IKZF2: variants seen among roughly 807,000 people sequenced by gnomAD.
IKZF2 encodes IKAROS family zinc finger 2.
A neutral mutation model predicts 49.2 loss-of-function variants in IKZF2; 15 were observed. That is an observed-to-expected ratio of 0.30 (90% CI 0.20 to 0.47). The LOEUF is 0.47. Ranked by LOEUF, IKZF2 falls within the 20% of genes least tolerant of loss-of-function variation. The pLI, the probability that IKZF2 is intolerant of heterozygous loss-of-function variation, is 1.00. For synonymous variants in IKZF2, 227 were observed against 221.4 expected (o/e 1.03, Z -0.23); for missense variants, 567 against 664.6 (o/e 0.85, Z 1.61).
chr2:213,128,607 CA>C (rs1244192018), intron 4 of IKZF2, among the ~76,000 whole-genome samples: 1 of 148,736 alleles, frequency 6.7e-6, no homozygotes, highest in Non-Finnish European at 1.5e-5. Flanking sequence ...AGCCAAGAGT[CA>C]GAAGATAAGG....
At chr2:213,074,548 G>A (rs983873826) in intron 4 of IKZF2, among the ~76,000 whole-genome samples, 3 of 152,140 alleles carry the variant, frequency 2.0e-5, no homozygotes, top group Non-Finnish European at 2.9e-5. Context: ...ACATATTTAT[G>A]TCAAATATTA....
At chr2:213,055,896 A>G (rs562459246) in intron 5 of IKZF2, among the ~76,000 whole-genome samples, 2 of 152,306 alleles carry the variant, frequency 1.3e-5, no homozygotes, top group East Asian at 1.9e-4. Flanking sequence ...CCAAAAAAGT[A>G]TATTTTAAAA....
chr2:213,028,073 A>G (rs530760831), intron 6 of IKZF2, among the ~76,000 whole-genome samples: 130 of 152,292 alleles, frequency 8.5e-4, no homozygotes, highest in African/African-American at 3.0e-3. Flanking sequence ...TAATTTTTAT[A>G]TATGGCATAA....
chr2:213,124,852 T>C (rs1262645564), intron 4 of IKZF2, among the ~76,000 whole-genome samples: 1 of 152,254 alleles, frequency 6.6e-6, no homozygotes, highest in Non-Finnish European at 1.5e-5. Flanking sequence ...ATCAGGTCCT[T>C]ATTCCTTACA....
At chr2:213,148,781 C>T (rs749736676) in intron 2 of IKZF2, 137 bp from the exon 3 acceptor site, 2 of 631,622 alleles carry the variant, frequency 3.2e-6, no homozygotes, top group Admixed American at 2.9e-5. Context: ...ACACAGTGTA[C>T]TGTATGTGCT....
At position 213,005,561 on chromosome 2, in the gene IKZF2, C is replaced by A. The variant is rs1236557503; in HGVS notation, c.*1799G>T. 1 of 151,930 alleles carries A rather than the reference C, an allele frequency of 6.6e-6. No homozygotes were observed. The highest frequency in any genetic ancestry group is 6.6e-5 in the Admixed American group (1 of 15,208). 9.4% of individuals were successfully genotyped at this position (151,930 alleles called of 1,614,324 possible). ...TCTCTTGACTTGGTAATTCTCATAC[C>A]ACACTGTATTAAGATACATAATTTC... is the stretch of plus-strand genomic sequence containing the variant. On this transcript the variant is annotated 3_prime_UTR_variant, in exon 9 of 9. Coordinates refer to ENST00000434687, the MANE Select transcript of IKZF2 (RefSeq NM_001387220.1).
At chr2:213,097,221 T>A (rs1291970479) in intron 4 of IKZF2, among the ~76,000 whole-genome samples, 2 of 151,846 alleles carry the variant, frequency 1.3e-5, no homozygotes, top group Non-Finnish European at 2.9e-5. Context: ...CTAAAAAATA[T>A]GCAATAGTTG....
chr2:213,027,514 A>T (rs547032380), intron 6 of IKZF2, among the ~76,000 whole-genome samples: 1 of 152,180 alleles, frequency 6.6e-6, no homozygotes, highest in South Asian at 2.1e-4. Flanking sequence ...TGCCAGTCTC[A>T]CTTTCCTCTT....
At chr2:213,147,914 C>G in intron 3 of IKZF2, 102 bp from the exon 4 acceptor site, 1 of 755,144 alleles carries the variant, frequency 1.3e-6, no homozygotes, top group Non-Finnish European at 2.3e-6. Context: ...AGCCTTCAAA[C>G]TGTAAGGTAA....
intron 4 of IKZF2, among the ~76,000 whole-genome samples, chr2:213,146,028 C>T (rs930925581): frequency 3.3e-5 from 5 of 152,068 alleles, no homozygotes; most frequent in African/African-American, 1.2e-4. Flanking sequence ...AGAAATAAAG[C>T]AGCCAATTAA....
intron 4 of IKZF2, among the ~76,000 whole-genome samples, chr2:213,105,332 C>T (rs960689302): frequency 6.6e-6 from 1 of 152,040 alleles, no homozygotes; most frequent in African/African-American, 2.4e-5. Context: ...TCCAACTGTT[C>T]CCAAAAGTAC....
intron 4 of IKZF2, among the ~76,000 whole-genome samples, chr2:213,142,841 C>A (rs2060920174): frequency 6.6e-6 from 1 of 151,948 alleles, no homozygotes; most frequent in Admixed American, 6.6e-5. Flanking sequence ...ATCTAGCATA[C>A]TAAGTGCACT....
intron 4 of IKZF2, among the ~76,000 whole-genome samples, chr2:213,120,529 G>C (rs2060020794): frequency 6.6e-6 from 1 of 152,138 alleles, no homozygotes; most frequent in South Asian, 2.1e-4. Flanking sequence ...AGATAGATTG[G>C]GCTGTTTAGT....
At chr2:213,084,483 T>A (rs1243104045) in intron 4 of IKZF2, among the ~76,000 whole-genome samples, 1 of 152,134 alleles carries the variant, frequency 6.6e-6, no homozygotes, top group Non-Finnish European at 1.5e-5. Flanking sequence ...ATTTTTATTA[T>A]GGCTTTGGGG....
rs1694916403 is a variant in IKZF2, at chr2:213,001,652, A to C, written c.*5708T>G. 6.6e-6 allele frequency: 1 copy of C among 151,878 alleles called. No homozygotes were observed. The highest frequency in any genetic ancestry group is 2.1e-4 in the South Asian group (1 of 4,834). The allele number at this position is 151,878 out of a possible 1,614,324, so 9.4% of individuals were successfully genotyped here. ...TAAGATTAAATTACCAATGAACTAG[A>C]AATAAGAGTTGACCTAATCTTCAAA... On this transcript the variant is annotated 3_prime_UTR_variant, in exon 9 of 9. Transcript: ENST00000434687.
At chr2:213,008,196 C>A in intron 8 of IKZF2, 112 bp from the exon 9 acceptor site, 1 of 1,246,704 alleles carries the variant, frequency 8.0e-7, no homozygotes, top group Non-Finnish European at 1.1e-6. Flanking sequence ...CTCCATTTTT[C>A]ATAATTTGGT....
chr2:213,129,527 G>T (rs752655790), intron 4 of IKZF2, among the ~76,000 whole-genome samples: 4 of 151,884 alleles, frequency 2.6e-5, no homozygotes, highest in Non-Finnish European at 4.4e-5. Flanking sequence ...AACAGGGAAA[G>T]AATAGAGAAG....
At chr2:213,071,259 A>G (rs1702669335) in intron 4 of IKZF2, among the ~76,000 whole-genome samples, 1 of 152,162 alleles carries the variant, frequency 6.6e-6, no homozygotes, top group African/African-American at 2.4e-5. Context: ...ACAAATATTT[A>G]TTAGTAACTG....
chr2:213,002,370 A>AAAACT lies in IKZF2; in HGVS notation c.*4985_*4989dup, dbSNP rs1411716961. ...CCTCAAACTTACAGTACAGCAAGAT[A>AAAACT]AAACTAAAAAGCTAGAAATAGAATA... On this transcript the variant is annotated 3_prime_UTR_variant, in exon 9 of 9. Coordinates refer to ENST00000434687, the MANE Select transcript of IKZF2 (RefSeq NM_001387220.1). The AAAACT allele has an allele frequency of 6.6e-6, 1 of 151,602 alleles. No individual in the cohort carries two copies. Among genetic ancestry groups the AAAACT allele is most frequent in the Non-Finnish European group, 1.5e-5 (1 of 67,590 alleles). 9.4% of individuals were successfully genotyped at this position (151,602 alleles called of 1,614,324 possible).
Sources: gnomAD v4.1 joint callset for allele counts (sites outside exome capture counted in the v4.1 genomes callset) on GRCh38, gnomAD v4.1.1 for gene constraint, MANE v1.5 for transcripts, NCBI Gene and HGNC (gene_info 2026-07-23, HGNC 2026-07-21) for gene names.